EIF4G3: variants seen among roughly 807,000 people sequenced by gnomAD.
The protein encoded by EIF4G3 is eIF-4-gamma 3.
EIF4G3 carries 34 observed loss-of-function variants against 186.4 expected under a neutral mutation model. The observed-to-expected ratio is 0.18, with a 90% CI of 0.14 to 0.24. The LOEUF is 0.24. Among genes scored for constraint, EIF4G3 ranks in the 10% least tolerant of loss-of-function variants. EIF4G3 has a pLI of 1.00. For missense variants in EIF4G3, 1,536 were observed against 1,948.5 expected, an observed-to-expected ratio of 0.79 and a Z score of 3.99; for synonymous variants, 673 against 679.5, an observed-to-expected ratio of 0.99 and a Z score of 0.15.
At chr1:20,985,524 A>AG (rs887738132) in intron 7 of EIF4G3, among the ~76,000 whole-genome samples, 10 of 137,472 alleles carry the variant, frequency 7.3e-5, no homozygotes, top group African/African-American at 2.5e-4. Context: ...GCAAAAAAAA[A>AG]AAAAAATATA....
chr1:20,816,727 C>T (rs1162764280), intron 34 of EIF4G3, among the ~76,000 whole-genome samples: 28 of 95,626 alleles, frequency 2.9e-4, no homozygotes, highest in African/African-American at 9.7e-4. Context: ...CGGCCACCAC[C>T]CCGTCTGGGA....
intron 7 of EIF4G3, among the ~76,000 whole-genome samples, chr1:20,989,808 G>T (rs1183814678): frequency 1.3e-5 from 2 of 152,202 alleles, no homozygotes; most frequent in East Asian, 3.8e-4. Context: ...TGACTCCAAT[G>T]ATAAAAGAAA....
chr1:20,895,265 G>T, intron 17 of EIF4G3, 103 bp downstream of exon 17: 1 of 1,281,962 alleles, frequency 7.8e-7, no homozygotes, highest in Non-Finnish European at 1.1e-6. Flanking sequence ...ACATCATTTG[G>T]TCTAACAATT....
chr1:21,101,791 G>A lies in EIF4G3; in HGVS notation c.-271-12578C>T, dbSNP rs563557025. Among the ~76,000 whole-genome samples the A allele has an allele frequency of 2.6e-5, 4 of 151,832 alleles. No individual in the cohort carries two copies. In the South Asian group the frequency reaches 6.3e-4, roughly 24 times the overall value. On this transcript the variant is annotated intron_variant, in intron 2 of 36. Transcript: ENST00000602326. ...TTACATCATTATATTGTCCAAGAAC[G>A]TATCATAAATACTTTCTTGAATCAA...
intron 14 of EIF4G3, among the ~76,000 whole-genome samples, chr1:20,909,113 C>G (rs550075691): frequency 6.6e-6 from 1 of 151,630 alleles, no homozygotes; most frequent in Admixed American, 6.6e-5. Flanking sequence ...GATCACGCCA[C>G]TGCACTCCAG....
At chr1:20,957,782 C>T (rs2096472158) in intron 12 of EIF4G3, among the ~76,000 whole-genome samples, 1 of 152,022 alleles carries the variant, frequency 6.6e-6, no homozygotes. Flanking sequence ...TTTATGCATA[C>T]AAACTATAAA....
At chr1:20,932,171 T>A (rs560691410) in intron 14 of EIF4G3, among the ~76,000 whole-genome samples, 75 of 152,312 alleles carry the variant, frequency 4.9e-4, no homozygotes, top group Admixed American at 1.9e-3. Flanking sequence ...CAAGCTCTGC[T>A]AGCTTCAAAC....
intron 3 of EIF4G3, among the ~76,000 whole-genome samples, chr1:21,053,560 C>T (rs1230994787): frequency 6.2e-5 from 9 of 145,620 alleles, no homozygotes; most frequent in Non-Finnish European, 7.6e-5. Context: ...GTCAGCCCCC[C>T]GCCCGGCCAG....
intron 12 of EIF4G3, among the ~76,000 whole-genome samples, chr1:20,951,581 T>C (rs189272890): frequency 3.8e-4 from 58 of 152,290 alleles, no homozygotes; most frequent in African/African-American, 1.3e-3. Context: ...TTTTCAGTTC[T>C]ATAGGCTGAA....
chr1:20,836,086 ATCC>A (rs939862166), intron 30 of EIF4G3, among the ~76,000 whole-genome samples: 9 of 152,278 alleles, frequency 5.9e-5, no homozygotes, highest in African/African-American at 1.9e-4. Flanking sequence ...CAGTATGGCA[ATCC>A]TCCTACCTCA....
chr1:20,886,490 G>C, intron 18 of EIF4G3, 119 bp from the exon 19 acceptor site: 1 of 882,714 alleles, frequency 1.1e-6, no homozygotes, highest in Non-Finnish European at 1.7e-6. Flanking sequence ...TGGGTACTAG[G>C]TACTCAAACT....
At chr1:21,120,107 C>T (rs376710126) in intron 2 of EIF4G3, among the ~76,000 whole-genome samples, 1 of 150,512 alleles carries the variant, frequency 6.6e-6, no homozygotes, top group East Asian at 1.9e-4. Flanking sequence ...CTGCAAAGAT[C>T]GTTTCTAGCA....
intron 14 of EIF4G3, among the ~76,000 whole-genome samples, chr1:20,926,232 C>T (rs892296405): frequency 2.0e-5 from 3 of 152,092 alleles, no homozygotes; most frequent in African/African-American, 7.2e-5. Context: ...CTGATTCTAC[C>T]ACTTATTAAC....
At chr1:20,942,436 CA>C in intron 13 of EIF4G3, 106 bp from the exon 14 acceptor site, 1 of 1,141,272 alleles carries the variant, frequency 8.8e-7, no homozygotes, top group Non-Finnish European at 1.2e-6. Context: ...GGTAACAGAA[CA>C]GAGACCAATA....
intron 12 of EIF4G3, among the ~76,000 whole-genome samples, chr1:20,965,430 A>T (rs1569740934): frequency 6.6e-6 from 1 of 152,300 alleles, no homozygotes; most frequent in African/African-American, 2.4e-5. Context: ...GGCATTAACA[A>T]TAGCATTGCC....
At chr1:20,981,515 A>G (rs61781113) in intron 8 of EIF4G3, among the ~76,000 whole-genome samples, 2,435 of 79,044 alleles carry the variant, frequency 0.031, 108 homozygotes, top group Non-Finnish European at 0.043. Context: ...CATACTGTAT[A>G]TATACATACA....
At chr1:20,970,058 G>A (rs1383130782) in intron 11 of EIF4G3, among the ~76,000 whole-genome samples, 1 of 151,988 alleles carries the variant, frequency 6.6e-6, no homozygotes, top group African/African-American at 2.4e-5. Context: ...CCGCCACCCA[G>A]GTTCAAGCGA....
intron 32 of EIF4G3, among the ~76,000 whole-genome samples, chr1:20,826,086 C>T (rs893126186): frequency 6.6e-6 from 1 of 152,180 alleles, no homozygotes; most frequent in African/African-American, 2.4e-5. Flanking sequence ...AAAGCTTATA[C>T]TATATGAGAA....
At chr1:21,171,569 G>C (rs1208499902) in intron 2 of EIF4G3, among the ~76,000 whole-genome samples, 1 of 152,102 alleles carries the variant, frequency 6.6e-6, no homozygotes, top group African/African-American at 2.4e-5. Context: ...CCCCATGTTA[G>C]TATCTTCTAA....
Sources: allele counts gnomAD v4.1 joint callset (sites outside exome capture counted in the v4.1 genomes callset), GRCh38; gene constraint gnomAD v4.1.1; transcripts MANE v1.5; gene names NCBI Gene and HGNC (gene_info 2026-07-23, HGNC 2026-07-21).